Variants in AR observed in about 807,000 individuals in gnomAD.
AR encodes the protein dihydrotestosterone receptor.
AR carries 8 observed loss-of-function variants against 53.9 expected under a neutral mutation model. That is an observed-to-expected ratio of 0.15 (90% confidence interval 0.09 to 0.27). The LOEUF (loss-of-function observed/expected upper bound fraction) is 0.27, where lower values mean the gene tolerates loss of function less well. Ranked by LOEUF, AR falls within the 10% of genes least tolerant of loss-of-function variation. AR has a pLI of 1.00. For synonymous variants in AR, 359 were observed against 316.4 expected (o/e 1.13, Z -1.43); for missense variants, 639 against 742.5 (o/e 0.86, Z 1.62).
chrX:67,718,410 T>C (rs1450523355), intron 5 of AR, among the ~76,000 whole-genome samples: 6 of 111,781 alleles, frequency 5.4e-5, no homozygotes, highest in Non-Finnish European at 9.4e-5. Context: ...TACATTTTTC[T>C]CCACTAAAAT....
intron 1 of AR, among the ~76,000 whole-genome samples, chrX:67,593,794 C>T (rs1922951282): frequency 1.8e-5 from 2 of 112,486 alleles, no homozygotes; most frequent in African/African-American, 6.5e-5. Context: ...GTTATAAATG[C>T]ATTTCCTTTA....
At chrX:67,591,992 C>T (rs1490278357) in intron 1 of AR, among the ~76,000 whole-genome samples, 2 of 112,374 alleles carry the variant, frequency 1.8e-5, no homozygotes, top group African/African-American at 3.2e-5. Context: ...TGCGAGGGAG[C>T]ATAATCAAGC....
chrX:67,651,245 C>T (rs751325044), intron 2 of AR, among the ~76,000 whole-genome samples: 2 of 104,201 alleles, frequency 1.9e-5, no homozygotes, highest in Admixed American at 2.1e-4. Flanking sequence ...GACAGGGTTT[C>T]ACCATATTGG....
intron 5 of AR, among the ~76,000 whole-genome samples, 175 bp downstream of exon 5, chrX:67,717,797 A>G (rs1433280563): frequency 8.8e-6 from 1 of 113,089 alleles, no homozygotes; most frequent in Non-Finnish European, 1.9e-5. Flanking sequence ...CTTTCAGCCA[A>G]CTGGCAGGAG....
In AR at chrX:67,728,601, ATATATATATATATAGT is replaced by A; in HGVS notation, c.*4761_*4776del. ...TATATATATATATATATATATATAT[ATATATATATATATAGT>A]GTGTGTGTGTGTTCTGATAGCTTTA... On this transcript the variant is annotated 3_prime_UTR_variant, in exon 8 of 8. Coordinates refer to ENST00000374690, the MANE Select transcript of AR (RefSeq NM_000044.6). 1 of 95,281 alleles carries A rather than the reference ATATATATATATATAGT, an allele frequency of 1.0e-5. No individual in the cohort carries two copies. Among genetic ancestry groups the A allele is most frequent in the Non-Finnish European group, 2.1e-5 (1 of 48,006 alleles). The allele number at this position is 95,281 out of a possible 1,213,427, so 7.9% of individuals were successfully genotyped here.
At chrX:67,621,372 A>T (rs761181094) in intron 1 of AR, among the ~76,000 whole-genome samples, 3 of 111,112 alleles carry the variant, frequency 2.7e-5, no homozygotes, top group East Asian at 5.7e-4. Flanking sequence ...TTTGTTTTTT[A>T]ATTATACTTT....
At chrX:67,621,934 G>T (rs781339835) in intron 1 of AR, among the ~76,000 whole-genome samples, 2 of 111,747 alleles carry the variant, frequency 1.8e-5, no homozygotes, top group Admixed American at 1.9e-4. Flanking sequence ...TTTAGAGTTA[G>T]CCAGGTATGC....
At chrX:67,678,071 T>A (rs1267820330) in intron 2 of AR, among the ~76,000 whole-genome samples, 1 of 110,519 alleles carries the variant, frequency 9.0e-6, no homozygotes, top group East Asian at 2.9e-4. Flanking sequence ...AGTTTCTCAA[T>A]CTGTAAAATA....
intron 4 of AR, among the ~76,000 whole-genome samples, chrX:67,713,131 G>T (rs141935479): frequency 4.0e-3 from 444 of 111,906 alleles, no homozygotes; most frequent in Middle Eastern, 9.4e-3. Context: ...GAGGGGCCAA[G>T]GCTTCATTGA....
At chrX:67,654,293 G>A (rs191000625) in intron 2 of AR, among the ~76,000 whole-genome samples, 108 of 111,287 alleles carry the variant, frequency 9.7e-4, no homozygotes, top group Middle Eastern at 4.6e-3. Context: ...AGCGTCCCTG[G>A]GTAGGCCGAA....
intron 3 of AR, chrX:67,695,151 A>T (rs1402015738): frequency 1.3e-5 from 10 of 759,770 alleles, no homozygotes; most frequent in Non-Finnish European, 1.6e-5. Flanking sequence ...ATGGGACTCA[A>T]GGTGTCACCT....
At chrX:67,619,104 A>T (rs1389920860) in intron 1 of AR, among the ~76,000 whole-genome samples, 1 of 111,365 alleles carries the variant, frequency 9.0e-6, no homozygotes, top group Non-Finnish European at 1.9e-5. Context: ...ATTGCTAATT[A>T]GCTCCTCAGA....
intron 2 of AR, among the ~76,000 whole-genome samples, chrX:67,644,969 A>G (rs1489613017): frequency 9.0e-6 from 1 of 110,619 alleles, no homozygotes; most frequent in Non-Finnish European, 1.9e-5. Flanking sequence ...GGAAATGAGG[A>G]TGGGTTCCAG....
chrX:67,563,498 T>G (rs748662503), intron 1 of AR, among the ~76,000 whole-genome samples: 75 of 111,443 alleles, frequency 6.7e-4, no homozygotes, highest in East Asian at 1.7e-3. Context: ...CCTATTATTA[T>G]TAGTAGTAGT....
chrX:67,630,999 C>T lies in AR; in HGVS notation c.1617-12257C>T, dbSNP rs776768566. ...CTCTTCTGGCTTGTAAAGTTTCTGC[C>T]GAGAGATCTGCTGTTAGTCTGATGG... is the stretch of plus-strand genomic sequence containing the variant. On this transcript the variant is annotated intron_variant, in intron 1 of 7. Transcript: ENST00000374690. Among the ~76,000 whole-genome samples the T allele has an allele frequency of 3.0e-3, 329 of 111,423 alleles. 1 individual carries two copies. Among genetic ancestry groups the T allele is most frequent in the African/African-American group, 0.01 (312 of 30,661 alleles).
chrX:67,662,035 A>T (rs951834536), intron 2 of AR, among the ~76,000 whole-genome samples: 1 of 111,460 alleles, frequency 9.0e-6, no homozygotes, highest in Non-Finnish European at 1.9e-5. Context: ...ATCGGTGATT[A>T]TATCCCCTTT....
intron 2 of AR, among the ~76,000 whole-genome samples, chrX:67,680,424 A>G (rs1319068765): frequency 8.9e-6 from 1 of 112,318 alleles, no homozygotes; most frequent in East Asian, 2.8e-4. Context: ...TTAAATTTTT[A>G]GATTTCATTG....
At chrX:67,582,319 C>G (rs1195264252) in intron 1 of AR, among the ~76,000 whole-genome samples, 4 of 111,809 alleles carry the variant, frequency 3.6e-5, no homozygotes, top group Non-Finnish European at 7.5e-5. Flanking sequence ...AGCAGGAGCA[C>G]ATAACATTCT....
At chrX:67,692,322 G>C (rs1315373761) in intron 3 of AR, among the ~76,000 whole-genome samples, 1 of 112,680 alleles carries the variant, frequency 8.9e-6, no homozygotes, top group Admixed American at 9.4e-5. Context: ...TCTCATTTCT[G>C]AGAAGTGCTG....
Sources: gnomAD v4.1 joint callset for allele counts (sites outside exome capture counted in the v4.1 genomes callset) on GRCh38, gnomAD v4.1.1 for gene constraint, MANE v1.5 for transcripts, NCBI Gene and HGNC (gene_info 2026-07-23, HGNC 2026-07-21) for gene names.